DPF3: variants seen among roughly 807,000 people sequenced by gnomAD.
DPF3 encodes zinc finger protein DPF3.
Under a neutral mutation model 56.8 loss-of-function variants are expected in DPF3, and 18 were observed. That is an observed-to-expected ratio of 0.32 (90% CI 0.22 to 0.47). DPF3 has a LOEUF of 0.47. Ranked by LOEUF, DPF3 falls within the 20% of genes least tolerant of loss-of-function variation. DPF3 has a pLI of 1.00. For missense variants in DPF3, 403 were observed against 488.8 expected (o/e 0.82, Z 1.65); for synonymous variants, 188 against 180.2 (o/e 1.04, Z -0.35).
intron 1 of DPF3, among the ~76,000 whole-genome samples, chr14:72,798,573 T>C (rs1034940338): frequency 3.9e-5 from 6 of 152,194 alleles, no homozygotes; most frequent in African/African-American, 1.4e-4. Context: ...ACCTGCAAGA[T>C]GTATCCTCTA....
chr14:72,658,582 C>A (rs1379964447), intron 8 of DPF3, among the ~76,000 whole-genome samples: 2 of 152,138 alleles, frequency 1.3e-5, no homozygotes, highest in Admixed American at 6.5e-5. Flanking sequence ...AAGAGAAGGT[C>A]TTCCAGGTAC....
At chr14:72,662,269 T>A (rs962893614) in intron 8 of DPF3, 97 of 985,408 alleles carry the variant, frequency 9.8e-5, no homozygotes, top group Non-Finnish European at 1.1e-4. Flanking sequence ...GATCTTTATT[T>A]TCTTATTTAA....
At chr14:72,886,372 A>C (rs1392835139) in intron 1 of DPF3, among the ~76,000 whole-genome samples, 1 of 152,078 alleles carries the variant, frequency 6.6e-6, no homozygotes, top group Non-Finnish European at 1.5e-5. Context: ...ACTCCATCTA[A>C]AAAAAGAAAG....
intron 1 of DPF3, among the ~76,000 whole-genome samples, chr14:72,794,102 C>G (rs1362054951): frequency 6.6e-6 from 1 of 152,216 alleles, no homozygotes; most frequent in Admixed American, 6.5e-5. Flanking sequence ...TGAGTCCCAG[C>G]TCCTTGCTTA....
intron 1 of DPF3, among the ~76,000 whole-genome samples, chr14:72,842,655 C>T (rs1020019022): frequency 2.0e-5 from 3 of 152,162 alleles, no homozygotes; most frequent in Non-Finnish European, 4.4e-5. Context: ...GGGTGGTGAA[C>T]ATATGTGCAC....
At chr14:72,878,684 G>C (rs993695656) in intron 1 of DPF3, among the ~76,000 whole-genome samples, 1 of 152,212 alleles carries the variant, frequency 6.6e-6, no homozygotes, top group Non-Finnish European at 1.5e-5. Flanking sequence ...TTTATCAGTG[G>C]CTATCCATAA....
intron 9 of DPF3, among the ~76,000 whole-genome samples, chr14:72,624,929 C>A (rs112871610): frequency 3.9e-4 from 60 of 152,242 alleles, no homozygotes; most frequent in South Asian, 1.2e-3. Flanking sequence ...GAGGCCAGTA[C>A]GTCTTATTAC....
At chr14:72,738,246 CCT>C (rs1889980389) in intron 3 of DPF3, among the ~76,000 whole-genome samples, 2 of 151,936 alleles carry the variant, frequency 1.3e-5, no homozygotes, top group Non-Finnish European at 2.9e-5. Context: ...CCTTTGACTC[CCT>C]GTTTTGTGAC....
intron 1 of DPF3, among the ~76,000 whole-genome samples, chr14:72,873,476 G>A (rs1379084251): frequency 6.6e-6 from 1 of 152,216 alleles, no homozygotes; most frequent in Non-Finnish European, 1.5e-5. Flanking sequence ...CTGTTGGTGG[G>A]ACTGTAAACT....
At chr14:72,846,329 T>G (rs1303718420) in intron 1 of DPF3, among the ~76,000 whole-genome samples, 3 of 39,984 alleles carry the variant, frequency 7.5e-5, no homozygotes, top group African/African-American at 5.7e-4. Context: ...CAGGCTAGTC[T>G]TTTTTTTTTT....
chr14:72,884,353 A>G (rs1167791676), intron 1 of DPF3, among the ~76,000 whole-genome samples: 2 of 152,186 alleles, frequency 1.3e-5, no homozygotes, highest in Non-Finnish European at 2.9e-5. Flanking sequence ...TAATGCCAGA[A>G]ACATTTATTT....
intron 8 of DPF3, chr14:72,670,515 C>G (rs915951524): frequency 8.2e-6 from 8 of 976,686 alleles, no homozygotes; most frequent in Non-Finnish European, 9.7e-6. Context: ...AGGGGTCTGC[C>G]GCGGGGAGCC....
At chr14:72,867,788 G>C (rs1885735627) in intron 1 of DPF3, among the ~76,000 whole-genome samples, 1 of 152,056 alleles carries the variant, frequency 6.6e-6, no homozygotes, top group Non-Finnish European at 1.5e-5. Flanking sequence ...ACCCAGGCTG[G>C]AGTGCAGTGG....
intron 7 of DPF3, among the ~76,000 whole-genome samples, chr14:72,679,042 G>A (rs749610276): frequency 3.9e-5 from 6 of 152,200 alleles, no homozygotes; most frequent in Admixed American, 1.3e-4. Flanking sequence ...TCAGGGAAGC[G>A]AGAGCAGGCA....
At chr14:72,703,587 A>C (rs934178605) in intron 6 of DPF3, among the ~76,000 whole-genome samples, 5 of 152,238 alleles carry the variant, frequency 3.3e-5, no homozygotes, top group African/African-American at 1.2e-4. Context: ...GCCGGGTAAC[A>C]GAATGCAGGT....
intron 1 of DPF3, among the ~76,000 whole-genome samples, chr14:72,863,882 T>C (rs1885555511): frequency 3.3e-5 from 5 of 152,114 alleles, no homozygotes; most frequent in Admixed American, 2.0e-4. Context: ...CCTTGAAGTG[T>C]GCATAGACAC....
At chr14:72,818,103 T>C (rs1883367338) in intron 1 of DPF3, among the ~76,000 whole-genome samples, 1 of 152,082 alleles carries the variant, frequency 6.6e-6, no homozygotes, top group African/African-American at 2.4e-5. Context: ...TAGCTGGGCA[T>C]GGTGGTACAC....
At chr14:72,745,893 G>A (rs901864255) in intron 3 of DPF3, among the ~76,000 whole-genome samples, 2 of 152,206 alleles carry the variant, frequency 1.3e-5, no homozygotes, top group Non-Finnish European at 2.9e-5. Context: ...TAACCCTCCT[G>A]AGGGAGGACA....
intron 1 of DPF3, among the ~76,000 whole-genome samples, chr14:72,881,326 G>GTTGTTGCTGTTGTTGTTGTTT (rs1886314600): frequency 1.3e-5 from 2 of 151,970 alleles, no homozygotes; most frequent in Non-Finnish European, 2.9e-5. Flanking sequence ...TGTTGTTGTT[G>GTTGTTGCTGTTGTTGTTGTTT]TTGTTGTTGC....
Sources: allele counts gnomAD v4.1 joint callset (sites outside exome capture counted in the v4.1 genomes callset), GRCh38; gene constraint gnomAD v4.1.1; transcripts MANE v1.5; gene names NCBI Gene and HGNC (gene_info 2026-07-23, HGNC 2026-07-21).